Variants in CUL4B observed in about 807,000 individuals in gnomAD.
The protein encoded by CUL4B is cullin-4B.
Under a neutral mutation model 69.2 loss-of-function variants are expected in CUL4B, and 1 was observed. That is an observed-to-expected ratio of 0.01 (90% CI 0.01 to 0.07). CUL4B has a LOEUF of 0.07. CUL4B is among the 10% of genes least tolerant of loss of function. The pLI is 1.00. For missense variants in CUL4B, 328 were observed against 638.8 expected, an observed-to-expected ratio of 0.51 and a Z score of 5.24; for synonymous variants, 237 against 223.2, an observed-to-expected ratio of 1.06 and a Z score of -0.55.
chrX:120,551,035 T>C (rs1029813459), intron 2 of CUL4B, among the ~76,000 whole-genome samples: 1 of 111,083 alleles, frequency 9.0e-6, no homozygotes, highest in Non-Finnish European at 1.9e-5. Flanking sequence ...TCTCACTACA[T>C]GCTCTGCAAT....
At chrX:120,540,131 A>G (rs1038008115) in intron 11 of CUL4B, among the ~76,000 whole-genome samples, 5 of 112,399 alleles carry the variant, frequency 4.4e-5, no homozygotes, top group Non-Finnish European at 9.4e-5. Flanking sequence ...CTTATTATCA[A>G]TAAAGGTAAA....
intron 15 of CUL4B, among the ~76,000 whole-genome samples, chrX:120,536,287 T>G (rs1442311449): frequency 8.8e-6 from 1 of 113,025 alleles, no homozygotes; most frequent in African/African-American, 3.2e-5. Context: ...CTGCCAAATG[T>G]GAGCCTTTTC....
rs893509619 is a variant in CUL4B, at chrX:120,534,655, T to C, written c.2161-69A>G. The C allele has an allele frequency of 5.6e-6, 4 of 719,444 alleles. No homozygotes were observed. In the Admixed American group the frequency reaches 6.8e-5, roughly 12 times the overall value. 59.3% of individuals were successfully genotyped at this position (719,444 alleles called of 1,213,427 possible). A position where few individuals can be genotyped will look rare whatever the true frequency, so the allele number is the denominator to read the frequency against. ...CACATGAAAAATTAATCATCTCTTA[T>C]AGGAAAAGCATTTTTCAATTAGTGG... is the stretch of plus-strand genomic sequence containing the variant. On this transcript the variant is annotated intron_variant, in intron 16 of 19. Transcript: ENST00000371322.
chrX:120,549,558 AAGAAG>A (rs1472915324), intron 2 of CUL4B, among the ~76,000 whole-genome samples: 1 of 111,356 alleles, frequency 9.0e-6, no homozygotes, highest in Admixed American at 9.6e-5. Context: ...GAGAAGAAAA[AAGAAG>A]AGAAGAGCAG....
At chrX:120,538,376 G>A (rs999876399) in intron 13 of CUL4B, 167 bp from the exon 14 acceptor site, 1 of 419,271 alleles carries the variant, frequency 2.4e-6, no homozygotes, top group African/African-American at 2.5e-5. Flanking sequence ...TTAATTCAGA[G>A]TCAAACTCTT....
chrX:120,529,495 G>C (rs1221938930), intron 19 of CUL4B, among the ~76,000 whole-genome samples: 2 of 111,622 alleles, frequency 1.8e-5, no homozygotes, highest in African/African-American at 6.5e-5. Context: ...TATCATCCAA[G>C]GGTTTGGCTA....
At position 120,543,014 on chromosome X, in the gene CUL4B, C is replaced by G; in HGVS notation, c.1276G>C (p.Val426Leu). The change falls in exon 9 of 20, where the codon GTA becomes CTA. Residue 426 changes from valine (V) to leucine (L), a missense_variant. This residue lies in a region of CUL4B where 126 missense variants were observed against 202.5 expected (regional missense o/e 0.62). Transcript: ENST00000371322. Reference protein sequence around the residue: ...QTTQKSLIATVEKQLLGEHLT... With the variant: ...QTTQKSLIATLEKQLLGEHLT... ...TGTTCACCTAGAAGTTGTTTTTCTACAGTAGCAATTAATGACTTCCTACAA... is the reference window on the plus strand; with the variant it reads ...TGTTCACCTAGAAGTTGTTTTTCTAGAGTAGCAATTAATGACTTCCTACAA... 1 of 1,181,395 alleles carries G rather than the reference C, an allele frequency of 8.5e-7. No homozygotes were observed. Among genetic ancestry groups the G allele is most frequent in the Non-Finnish European group, 1.1e-6 (1 of 872,044 alleles).
chrX:120,570,911 G>A (rs1184076013), downstream of CUL4B, among the ~76,000 whole-genome samples: 1 of 110,561 alleles, frequency 9.0e-6, no homozygotes, highest in Non-Finnish European at 1.9e-5. Context: ...AAGGAAAATA[G>A]CTGGGTGATA....
chrX:120,543,145 G>T, intron 8 of CUL4B, 112 bp from the exon 9 acceptor site: 1 of 496,234 alleles, frequency 2.0e-6, no homozygotes, highest in Non-Finnish European at 3.5e-6. Context: ...TTGATTTCAA[G>T]ATTCCTATCC....
Position 120,525,094 on chromosome X carries a change from A to AAT in CUL4B, c.*1665_*1666dup, listed in dbSNP as rs1392781191. 1 of 112,226 alleles carries AAT rather than the reference A, an allele frequency of 8.9e-6. No individual in the cohort carries two copies. The highest frequency in any genetic ancestry group is 1.9e-5 in the Non-Finnish European group (1 of 53,201). The allele number at this position is 112,226 out of a possible 1,213,427, so 9.2% of individuals were successfully genotyped here. Reference sequence around the variant, plus strand: ...AGTGAGGAGCTGAGAAAATATAGGCAATGGCTGCTCAATAAGAATTACAAG... The same window carrying AAT: ...AGTGAGGAGCTGAGAAAATATAGGCAATATGGCTGCTCAATAAGAATTACAAG... On this transcript the variant is annotated 3_prime_UTR_variant, in exon 20 of 20. Coordinates refer to ENST00000371322, the MANE Select transcript of CUL4B (RefSeq NM_001079872.2).
At chrX:120,571,710 G>C (rs1037481042) in exon 3 of CUL4B, 1 of 111,034 alleles carries the variant, frequency 9.0e-6, no homozygotes, top group Non-Finnish European at 1.9e-5. Flanking sequence ...AACAATTGGG[G>C]TTTAAACTGT....
chrX:120,571,984 A>G, exon 3 of CUL4B: 1 of 112,686 alleles, frequency 8.9e-6, no homozygotes, highest in Non-Finnish European at 1.9e-5. Context: ...ATGCTGTGTG[A>G]CTGATGTTCA....
chrX:120,557,858 C>T, intron 2 of CUL4B, 66 bp downstream of exon 2: 1 of 751,087 alleles, frequency 1.3e-6, no homozygotes, highest in Non-Finnish European at 2.0e-6. Flanking sequence ...TTTCAGAAAG[C>T]AAAATCCATA....
chrX:120,549,932 T>C (rs1814125618), intron 2 of CUL4B, among the ~76,000 whole-genome samples: 2 of 112,035 alleles, frequency 1.8e-5, no homozygotes, highest in South Asian at 7.4e-4. Context: ...TTCCACATTG[T>C]GCACTTCCGG....
At chrX:120,537,977 C>T in intron 14 of CUL4B, 147 bp downstream of exon 14, 1 of 428,839 alleles carries the variant, frequency 2.3e-6, no homozygotes, top group Non-Finnish European at 4.0e-6. Context: ...TATATTTCAC[C>T]AATTTTTTTT....
Position 120,546,529 on chromosome X carries a change from A to G in CUL4B, c.846+18T>C. ...TAATACAATGTTTAGCCGAAATACA[A>G]TACTTTTTCCAGCTTACCATTTGTC... On this transcript the variant is annotated intron_variant, in intron 4 of 19. Coordinates refer to ENST00000371322, the MANE Select transcript of CUL4B (RefSeq NM_001079872.2). The G allele has an allele frequency of 8.5e-7, 1 of 1,172,159 alleles. No individual in the cohort carries two copies. Among genetic ancestry groups the G allele is most frequent in the South Asian group, 1.8e-5 (1 of 55,865 alleles).
At chrX:120,570,027 T>C (rs1602596250), downstream of CUL4B, among the ~76,000 whole-genome samples, 1 of 111,654 alleles carries the variant, frequency 9.0e-6, no homozygotes, top group East Asian at 2.8e-4. Context: ...GAAGAGCTAA[T>C]GAAGGAAATG....
chrX:120,535,761 A>G, intron 16 of CUL4B, 69 bp downstream of exon 16: 3 of 632,655 alleles, frequency 4.7e-6, no homozygotes, highest in Non-Finnish European at 7.9e-6. Flanking sequence ...CTAAACTTTC[A>G]GTTAAGAAGG....
upstream of CUL4B, among the ~76,000 whole-genome samples, chrX:120,562,209 A>G (rs1925354980): frequency 8.9e-6 from 1 of 112,137 alleles, no homozygotes; most frequent in Admixed American, 9.4e-5. Flanking sequence ...ACGCTGTCCC[A>G]AAGGAGACAT....
Sources: allele counts gnomAD v4.1 joint callset (sites outside exome capture counted in the v4.1 genomes callset), GRCh38; gene constraint gnomAD v4.1.1; regional missense constraint gnomAD v4.1.1; transcripts MANE v1.5; gene names NCBI Gene and HGNC (gene_info 2026-07-23, HGNC 2026-07-21).